DYRK1A: variants seen among roughly 807,000 people sequenced by gnomAD.
The protein encoded by DYRK1A is dual specificity tyrosine phosphorylation regulated kinase 1A.
Under a neutral mutation model 79.7 loss-of-function variants are expected in DYRK1A, and 9 were observed. That is an observed-to-expected ratio of 0.11 (90% CI 0.07 to 0.20). DYRK1A has a LOEUF of 0.20. Among genes scored for constraint, DYRK1A ranks in the 10% least tolerant of loss-of-function variants. The pLI is 1.00. For missense variants in DYRK1A, 622 were observed against 956.0 expected (o/e 0.65, Z 4.61); for synonymous variants, 349 against 329.7 (o/e 1.06, Z -0.63).
At chr21:37,419,036 A>C (rs181583800) in intron 1 of DYRK1A, 5 of 152,360 alleles carry the variant, frequency 3.3e-5, no homozygotes, top group Admixed American at 2.0e-4. Flanking sequence ...AATGAAAAGC[A>C]GAAATATTTT....
rs149046084 is a variant in DYRK1A, at chr21:37,457,013, T to TTTACTTACTTACTTACTTACTTAC, written c.11-15667_11-15644dup. 5.0e-5 allele frequency among the ~76,000 whole-genome samples: 7 copies of TTTACTTACTTACTTACTTACTTAC among 141,280 alleles called. No individual in the cohort carries two copies. The South Asian group carries it at 7.0e-4, about 14-fold the overall frequency. The allele number at this position is 141,280 out of a possible 152,430, so 92.7% of individuals were successfully genotyped here. A position where few individuals can be genotyped will look rare whatever the true frequency, so the allele number is the denominator to read the frequency against. On this transcript the variant is annotated intron_variant, in intron 2 of 11. Coordinates refer to ENST00000647188, the MANE Select transcript of DYRK1A (RefSeq NM_001347721.2). ...ATTTGCTTGAGAGGTAAAAAGAAAATTTACTTACTTACTTACTTACTTACT... is the reference window on the plus strand; with the variant it reads ...ATTTGCTTGAGAGGTAAAAAGAAAATTTACTTACTTACTTACTTACTTACTTACTTACTTACTTACTTACTTACT...
At position 37,373,734 on chromosome 21, in the gene DYRK1A, A is replaced by G. The variant is rs947773547; in HGVS notation, c.-77+6106A>G. 3.7e-4 allele frequency among the ~76,000 whole-genome samples: 57 copies of G among 152,232 alleles called. 1 individual carries two copies. The highest frequency in any genetic ancestry group is 1.4e-3 in the African/African-American group (56 of 41,458). On this transcript the variant is annotated intron_variant, in intron 1 of 11. Coordinates refer to ENST00000647188, the MANE Select transcript of DYRK1A (RefSeq NM_001347721.2). ...GATTTTTCTTCATACCCTATTGGTC[A>G]TAACTTAGTCATGTGGCCATGTTTA...
In DYRK1A at chr21:37,512,349, G is replaced by A. The variant is rs200597760; in HGVS notation, c.2083G>A (p.Val695Ile). 5.9e-5 allele frequency: 95 copies of A among 1,614,164 alleles called. No individual in the cohort carries two copies. The highest frequency in any genetic ancestry group is 1.5e-4 in the Admixed American group (9 of 60,020). ...TGGAGCTATGGACGTTAATTTGACC[G>A]TCTACTCCAATCCCCGCCAAGAGAC... ...QNGAMDVNLT[V>I]YSNPRQETGI... Residue 695 changes from valine (V) to isoleucine (I), a missense_variant, in exon 12 of 12, where the codon GTC becomes ATC. Transcript: ENST00000647188.
chr21:37,495,481 A>C (rs2053240621), intron 8 of DYRK1A, among the ~76,000 whole-genome samples: 1 of 152,178 alleles, frequency 6.6e-6, no homozygotes, highest in African/African-American at 2.4e-5. Context: ...AACATGGTGA[A>C]ACCCTGTCTC....
At chr21:37,470,705 C>T (rs1409798049) in intron 2 of DYRK1A, among the ~76,000 whole-genome samples, 2 of 152,082 alleles carry the variant, frequency 1.3e-5, no homozygotes, top group African/African-American at 4.8e-5. Context: ...CCCTCATCAC[C>T]CCCAGTATTT....
chr21:37,384,692 A>G (rs1470394423), intron 1 of DYRK1A, among the ~76,000 whole-genome samples: 1 of 152,200 alleles, frequency 6.6e-6, no homozygotes, highest in African/African-American at 2.4e-5. Flanking sequence ...CAAGCAGTTG[A>G]AACCTAGAAC....
chr21:37,445,992 C>A (rs1190231890), intron 2 of DYRK1A, among the ~76,000 whole-genome samples: 6 of 152,218 alleles, frequency 3.9e-5, no homozygotes, highest in East Asian at 3.9e-4. Flanking sequence ...AATAAAAAAA[C>A]AACATTCTTA....
intron 2 of DYRK1A, 67 bp downstream of exon 2, chr21:37,420,451 G>T: frequency 6.6e-7 from 1 of 1,524,524 alleles, no homozygotes; most frequent in South Asian, 1.1e-5. Flanking sequence ...GGTCTATTTT[G>T]AATGGGGGAG....
intron 1 of DYRK1A, among the ~76,000 whole-genome samples, chr21:37,405,144 G>A (rs545163015): frequency 1.3e-5 from 2 of 151,962 alleles, no homozygotes; most frequent in Admixed American, 6.6e-5. Context: ...TAGTGATGTC[G>A]GCCTTTGGGT....
Position 37,486,635 on chromosome 21 carries a change from C to T in DYRK1A, c.637+21C>T, listed in dbSNP as rs1205156161. 1.0e-5 allele frequency: 15 copies of T among 1,500,258 alleles called. No homozygotes were observed. In the East Asian group the frequency reaches 2.3e-4, roughly 23 times the overall value. The allele number at this position is 1,500,258 out of a possible 1,614,324, so 92.9% of individuals were successfully genotyped here. A position where few individuals can be genotyped will look rare whatever the true frequency, so the allele number is the denominator to read the frequency against. Reference sequence around the variant, plus strand: ...CATAGGTAAACAAACAGGCAAACAGCGCAGTGTGCCCCAACCCACACCAAA... The same window carrying T: ...CATAGGTAAACAAACAGGCAAACAGTGCAGTGTGCCCCAACCCACACCAAA... On this transcript the variant is annotated intron_variant, in intron 6 of 11. Coordinates refer to ENST00000647188, the MANE Select transcript of DYRK1A (RefSeq NM_001347721.2).
chr21:37,424,014 A>G (rs1171120706), intron 2 of DYRK1A, among the ~76,000 whole-genome samples: 1 of 152,166 alleles, frequency 6.6e-6, no homozygotes, highest in East Asian at 1.9e-4. Context: ...TGTATTCATT[A>G]TACAAGAGTT....
At chr21:37,434,391 T>G (rs2050863732) in intron 2 of DYRK1A, among the ~76,000 whole-genome samples, 1 of 152,164 alleles carries the variant, frequency 6.6e-6, no homozygotes, top group Non-Finnish European at 1.5e-5. Context: ...AAGGCACAAA[T>G]GGGAACTGTG....
intron 2 of DYRK1A, among the ~76,000 whole-genome samples, chr21:37,446,078 C>T (rs572778793): frequency 1.3e-4 from 19 of 151,760 alleles, no homozygotes; most frequent in African/African-American, 3.9e-4. Flanking sequence ...GTATCTTAGG[C>T]GTTAAGAAGT....
chr21:37,369,761 T>C (rs879512772), intron 1 of DYRK1A, among the ~76,000 whole-genome samples: 3 of 152,152 alleles, frequency 2.0e-5, no homozygotes, highest in Non-Finnish European at 4.4e-5. Context: ...TTGGTAGGGG[T>C]GGGAAATGGA....
intron 2 of DYRK1A, among the ~76,000 whole-genome samples, chr21:37,468,747 CCA>C (rs2052119480): frequency 8.5e-6 from 1 of 117,630 alleles, no homozygotes; most frequent in Non-Finnish European, 2.0e-5. Flanking sequence ...GAGAGAAAGC[CCA>C]GTGTTTAGAA....
chr21:37,474,342 T>C (rs1351718705), intron 3 of DYRK1A, among the ~76,000 whole-genome samples: 1 of 152,256 alleles, frequency 6.6e-6, no homozygotes, highest in Non-Finnish European at 1.5e-5. Flanking sequence ...GATATTTCAC[T>C]TACTATTTCT....
chr21:37,383,266 C>G (rs2049694908), intron 1 of DYRK1A, among the ~76,000 whole-genome samples: 1 of 152,190 alleles, frequency 6.6e-6, no homozygotes, highest in Non-Finnish European at 1.5e-5. Flanking sequence ...ACACTTAGTG[C>G]CTGGTGTTGG....
At position 37,506,183 on chromosome 21, in the gene DYRK1A, C is replaced by T; in HGVS notation, c.1604C>T (p.Ala535Val). 2 of 1,614,214 alleles carry T rather than the reference C, an allele frequency of 1.2e-6. No homozygotes were observed. Among genetic ancestry groups the T allele is most frequent in the Non-Finnish European group, 8.5e-7 (1 of 1,180,040 alleles). The change falls in exon 11 of 12, where the codon GCT becomes GTT. Residue 535 changes from alanine (A) to valine (V), a missense_variant. By Grantham distance (64) the Ala-to-Val change is moderately conservative. Coordinates refer to ENST00000647188, the MANE Select transcript of DYRK1A (RefSeq NM_001347721.2). ...CGGCACAGTGGTGGGCACTTCACAG[C>T]TGCCGTGCAGGCCATGGACTGCGAG... ...QHRHSGGHFT[A>V]AVQAMDCETH... is the part of the protein sequence containing the mutation.
intron 2 of DYRK1A, among the ~76,000 whole-genome samples, chr21:37,427,976 C>T (rs2050673926): frequency 1.3e-5 from 2 of 151,848 alleles, no homozygotes; most frequent in South Asian, 4.2e-4. Context: ...TCATTGAACC[C>T]TTACTAGATG....
Sources: gnomAD v4.1 joint callset for allele counts (sites outside exome capture counted in the v4.1 genomes callset) on GRCh38, gnomAD v4.1.1 for gene constraint, MANE v1.5 for transcripts, NCBI Gene and HGNC (gene_info 2026-07-23, HGNC 2026-07-21) for gene names.